The following MAML2 variants were observed in gnomAD, a reference collection of about 807,000 sequenced individuals.
MAML2 encodes mastermind-like protein 2.
Under a neutral mutation model 96.1 loss-of-function variants are expected in MAML2, and 22 were observed. The ratio of observed to expected loss-of-function variants is 0.23; its 90% CI spans 0.16 to 0.33. The LOEUF (loss-of-function observed/expected upper bound fraction) is 0.33, where lower values mean the gene tolerates loss of function less well. MAML2 is among the 10% of genes least tolerant of loss of function. MAML2 has a pLI of 1.00. For missense variants in MAML2, 1,367 were observed against 1,392.4 expected (o/e 0.98, Z 0.29); for synonymous variants, 561 against 521.3 (o/e 1.08, Z -1.04).
At chr11:96,178,018 C>T (rs1194677280) in intron 1 of MAML2, among the ~76,000 whole-genome samples, 1 of 142,444 alleles carries the variant, frequency 7.0e-6, no homozygotes, top group Non-Finnish European at 1.5e-5. Flanking sequence ...CAATTTTGTA[C>T]TCTTTAACTT....
chr11:96,170,063 G>C (rs1302942356), intron 1 of MAML2, among the ~76,000 whole-genome samples: 1 of 152,226 alleles, frequency 6.6e-6, no homozygotes, highest in African/African-American at 2.4e-5. Context: ...CCTTCTGTTT[G>C]TTGGTTTCAA....
intron 1 of MAML2, among the ~76,000 whole-genome samples, chr11:96,317,838 T>C (rs553550631): frequency 1.3e-3 from 200 of 152,316 alleles, no homozygotes; most frequent in African/African-American, 4.6e-3. Flanking sequence ...ACAGATGACT[T>C]ATTTGCAGAG....
At chr11:96,331,916 A>T (rs919822766) in intron 1 of MAML2, among the ~76,000 whole-genome samples, 32 of 152,264 alleles carry the variant, frequency 2.1e-4, no homozygotes, top group Admixed American at 1.8e-3. Context: ...ATTGCAGAAT[A>T]GTGTCCTATT....
rs1032081454 is a variant in MAML2, at chr11:96,057,159, T to G, written c.2139+34733A>C. On this transcript the variant is annotated intron_variant, in intron 2 of 4. Coordinates refer to ENST00000524717, the MANE Select transcript of MAML2 (RefSeq NM_032427.4). ...TTTATGACTTACACACTAGAATCAG[T>G]TATACATCCATGAGTGCCATGGATG... Among the ~76,000 whole-genome samples, 4 of 152,204 alleles carry G rather than the reference T, an allele frequency of 2.6e-5. No individual in the cohort carries two copies. The East Asian group carries it at 7.7e-4, about 29-fold the overall frequency.
chr11:96,260,896 T>G (rs1476317988), intron 1 of MAML2, among the ~76,000 whole-genome samples: 3 of 152,340 alleles, frequency 2.0e-5, no homozygotes, highest in Non-Finnish European at 4.4e-5. Context: ...TTTCGTTTTT[T>G]GGGGGACAGC....
intron 1 of MAML2, among the ~76,000 whole-genome samples, chr11:96,179,053 T>C (rs1409792051): frequency 3.3e-5 from 5 of 152,200 alleles, no homozygotes; most frequent in Admixed American, 3.3e-4. Context: ...TCTGCTTTTG[T>C]CTCTGGGTGA....
At chr11:96,111,740 A>C (rs150807401) in intron 1 of MAML2, among the ~76,000 whole-genome samples, 6 of 152,326 alleles carry the variant, frequency 3.9e-5, no homozygotes, top group African/African-American at 1.4e-4. Context: ...AAAAGAATAC[A>C]AGTGTTTGAT....
At chr11:96,164,370 A>G (rs902032591) in intron 1 of MAML2, among the ~76,000 whole-genome samples, 2 of 152,192 alleles carry the variant, frequency 1.3e-5, no homozygotes, top group Non-Finnish European at 2.9e-5. Context: ...GAGAATACTA[A>G]AGATTTGCCC....
At chr11:96,333,469 C>T (rs2136018987) in intron 1 of MAML2, among the ~76,000 whole-genome samples, 1 of 152,272 alleles carries the variant, frequency 6.6e-6, no homozygotes, top group Non-Finnish European at 1.5e-5. Context: ...TTTTCTAATC[C>T]TGTCACTTCA....
At chr11:96,046,349 T>A (rs748056075) in intron 2 of MAML2, among the ~76,000 whole-genome samples, 13 of 151,962 alleles carry the variant, frequency 8.6e-5, no homozygotes, top group Non-Finnish European at 1.2e-4. Context: ...TTTTTTGTTG[T>A]TGGTTTTTTT....
rs192824565 is a variant in MAML2 at position 96,309,121 on chromosome 11, G to A, written c.513+32262C>T. On this transcript the variant is annotated intron_variant, in intron 1 of 4. Transcript: ENST00000524717. ...GTTAGCTGGCAATGTCTTTTGTCTT[G>A]AAAGTTCTGGGTGAATGTTTTTGGG... 2.6e-5 allele frequency among the ~76,000 whole-genome samples: 4 copies of A among 152,314 alleles called. No individual in the cohort carries two copies. The East Asian group carries it at 7.7e-4, about 29-fold the overall frequency.
At chr11:96,337,487 T>G (rs1863935311) in intron 1 of MAML2, among the ~76,000 whole-genome samples, 1 of 152,240 alleles carries the variant, frequency 6.6e-6, no homozygotes, top group Non-Finnish European at 1.5e-5. Flanking sequence ...CTAATATGCC[T>G]TAGATGTTCT....
At chr11:96,241,025 A>G (rs1591090848) in intron 1 of MAML2, among the ~76,000 whole-genome samples, 1 of 152,170 alleles carries the variant, frequency 6.6e-6, no homozygotes, top group Non-Finnish European at 1.5e-5. Context: ...TTCTTCTGCT[A>G]TTTTTCCAGA....
intron 1 of MAML2, among the ~76,000 whole-genome samples, chr11:96,164,636 C>T (rs908899620): frequency 2.0e-5 from 3 of 152,088 alleles, no homozygotes; most frequent in African/African-American, 7.2e-5. Context: ...AGGCACAAGC[C>T]AACATACAAC....
At chr11:96,020,977 T>C (rs1323665550) in intron 2 of MAML2, among the ~76,000 whole-genome samples, 2 of 152,230 alleles carry the variant, frequency 1.3e-5, no homozygotes, top group Non-Finnish European at 2.9e-5. Flanking sequence ...TAGAAGGAAA[T>C]AGGGGATAAA....
chr11:96,055,211 T>A (rs919943623), intron 2 of MAML2, among the ~76,000 whole-genome samples: 4 of 152,060 alleles, frequency 2.6e-5, no homozygotes, highest in Non-Finnish European at 5.9e-5. Flanking sequence ...TTGGTAAGAG[T>A]CATACTTCTC....
At chr11:96,045,399 T>C (rs1858880766) in intron 2 of MAML2, among the ~76,000 whole-genome samples, 1 of 152,182 alleles carries the variant, frequency 6.6e-6, no homozygotes, top group African/African-American at 2.4e-5. Context: ...GGAGTTCACC[T>C]CTCAGCCTCA....
intron 1 of MAML2, among the ~76,000 whole-genome samples, chr11:96,180,267 C>T (rs151122174): frequency 6.6e-6 from 1 of 152,284 alleles, no homozygotes; most frequent in African/African-American, 2.4e-5. Flanking sequence ...TGACACTCCT[C>T]CCCCTGAGAG....
chr11:96,172,857 G>A (rs143875352), intron 1 of MAML2, among the ~76,000 whole-genome samples: 8 of 152,336 alleles, frequency 5.3e-5, no homozygotes, highest in African/African-American at 1.9e-4. Flanking sequence ...GAACACATGT[G>A]TACAGATGGA....
Sources: allele counts gnomAD v4.1 joint callset (sites outside exome capture counted in the v4.1 genomes callset), GRCh38; gene constraint gnomAD v4.1.1; transcripts MANE v1.5; gene names NCBI Gene and HGNC (gene_info 2026-07-23, HGNC 2026-07-21).